MGAT4C: variants seen among roughly 807,000 people sequenced by gnomAD.
MGAT4C encodes the protein MGAT4 family member C.
Under a neutral mutation model 40.1 loss-of-function variants are expected in MGAT4C, and 19 were observed. The observed-to-expected ratio is 0.47, with a 90% CI of 0.33 to 0.70. The LOEUF (loss-of-function observed/expected upper bound fraction) is 0.70. Among genes scored for constraint, MGAT4C ranks in the 30% least tolerant of loss-of-function variants. The pLI is 0.02. For synonymous variants in MGAT4C, 181 were observed against 187.1 expected, an observed-to-expected ratio of 0.97 and a Z score of 0.27; for missense variants, 491 against 563.2, an observed-to-expected ratio of 0.87 and a Z score of 1.30.
chr12:86,764,147 G>T (rs571474270), intron 1 of MGAT4C, among the ~76,000 whole-genome samples: 73 of 152,252 alleles, frequency 4.8e-4, no homozygotes, highest in Non-Finnish European at 8.1e-4. Context: ...GGAAAATCAG[G>T]TCATTCCCAC....
At chr12:86,379,924 T>C (rs1018964849) in intron 3 of MGAT4C, among the ~76,000 whole-genome samples, 1 of 152,210 alleles carries the variant, frequency 6.6e-6, no homozygotes, top group African/African-American at 2.4e-5. Context: ...ATTCACAGCA[T>C]AGAAAAATTT....
intron 2 of MGAT4C, among the ~76,000 whole-genome samples, chr12:86,036,558 G>GT (rs1299927738): frequency 6.7e-6 from 1 of 150,014 alleles, no homozygotes; most frequent in Admixed American, 6.7e-5. Context: ...AGATAATCTT[G>GT]TGGTTTTTGT....
intron 2 of MGAT4C, among the ~76,000 whole-genome samples, chr12:86,539,426 A>T (rs1959134700): frequency 6.6e-6 from 1 of 152,158 alleles, no homozygotes; most frequent in African/African-American, 2.4e-5. Flanking sequence ...TCTATCATTG[A>T]TGGACATTTG....
At chr12:86,446,818 T>A (rs546761608) in intron 2 of MGAT4C, among the ~76,000 whole-genome samples, 2 of 150,482 alleles carry the variant, frequency 1.3e-5, no homozygotes, top group South Asian at 4.2e-4. Context: ...TGTGTAATCA[T>A]CTATGAGAGG....
intron 2 of MGAT4C, among the ~76,000 whole-genome samples, chr12:86,023,945 A>C (rs1387771171): frequency 6.6e-6 from 1 of 151,548 alleles, no homozygotes; most frequent in Non-Finnish European, 1.5e-5. Flanking sequence ...GTATCAAAAA[A>C]CCTCCACATA....
chr12:86,411,548 T>C (rs934790877), intron 3 of MGAT4C, among the ~76,000 whole-genome samples: 1 of 152,176 alleles, frequency 6.6e-6, no homozygotes, highest in Non-Finnish European at 1.5e-5. Context: ...ACATTCAAGA[T>C]ATATCCTGGC....
rs140274383 is a variant in MGAT4C, at chr12:86,241,034, A to G, written c.-57+15205T>C. Among the ~76,000 whole-genome samples the G allele has an allele frequency of 5.9e-3, 904 of 152,254 alleles. 5 individuals are homozygous for G. The highest frequency in any genetic ancestry group is 0.01 in the Middle Eastern group (3 of 294). Reference sequence around the variant, plus strand: ...ATATTCCTCACCTTCAGTTTGTCTGACGTTCATGATTAGTTTTAAATTATG... The same window carrying G: ...ATATTCCTCACCTTCAGTTTGTCTGGCGTTCATGATTAGTTTTAAATTATG... On this transcript the variant is annotated intron_variant, in intron 1 of 4. Coordinates refer to ENST00000611864, the MANE Select transcript of MGAT4C (RefSeq NM_001351288.2).
intron 2 of MGAT4C, among the ~76,000 whole-genome samples, chr12:86,529,048 C>A (rs532416056): frequency 6.6e-6 from 1 of 151,958 alleles, no homozygotes; most frequent in Non-Finnish European, 1.5e-5. Context: ...CACAGACAAC[C>A]AGATAGGTGT....
chr12:86,328,216 T>G (rs557680832), intron 4 of MGAT4C, among the ~76,000 whole-genome samples: 1 of 152,274 alleles, frequency 6.6e-6, no homozygotes, highest in African/African-American at 2.4e-5. Context: ...GTGAAAAACC[T>G]ACACTGACAT....
intron 1 of MGAT4C, among the ~76,000 whole-genome samples, chr12:86,095,341 A>T (rs1045503484): frequency 1.3e-5 from 2 of 151,914 alleles, no homozygotes; most frequent in African/African-American, 4.8e-5. Flanking sequence ...TAATTAAAAT[A>T]TTTTTGTCTG....
intron 1 of MGAT4C, among the ~76,000 whole-genome samples, chr12:86,105,500 A>G (rs1359623492): frequency 6.6e-6 from 1 of 152,158 alleles, no homozygotes; most frequent in Non-Finnish European, 1.5e-5. Context: ...AATAACCTAT[A>G]TTGATTGAGT....
intron 2 of MGAT4C, among the ~76,000 whole-genome samples, chr12:85,999,583 G>GTGTGTATATATA (rs1226916126): frequency 8.1e-6 from 1 of 122,982 alleles, no homozygotes; most frequent in African/African-American, 2.9e-5. Context: ...GTGTGTGTGT[G>GTGTGTATATATA]TATATATATA....
chr12:86,636,370 T>G (rs558912125), intron 2 of MGAT4C, among the ~76,000 whole-genome samples: 34 of 152,204 alleles, frequency 2.2e-4, no homozygotes, highest in African/African-American at 7.5e-4. Context: ...AATATCTTAC[T>G]ACTGTGTCAA....
chr12:86,249,232 C>T (rs1480052985), intron 1 of MGAT4C, among the ~76,000 whole-genome samples: 3 of 152,076 alleles, frequency 2.0e-5, no homozygotes, highest in Non-Finnish European at 4.4e-5. Context: ...TGAATAAATA[C>T]TGACTTCAGA....
chr12:86,354,702 T>C (rs1307545455), intron 3 of MGAT4C, among the ~76,000 whole-genome samples: 1 of 152,226 alleles, frequency 6.6e-6, no homozygotes, highest in Non-Finnish European at 1.5e-5. Flanking sequence ...TGAACTTGAA[T>C]GTAAGTTTGA....
intron 2 of MGAT4C, among the ~76,000 whole-genome samples, chr12:86,614,679 T>A (rs1962392866): frequency 6.6e-6 from 1 of 151,832 alleles, no homozygotes; most frequent in South Asian, 2.1e-4. Flanking sequence ...ATTATGAAGT[T>A]AATTAGGAAA....
chr12:86,616,910 C>T (rs747163136), intron 2 of MGAT4C, among the ~76,000 whole-genome samples: 4 of 151,972 alleles, frequency 2.6e-5, no homozygotes, highest in African/African-American at 4.8e-5. Flanking sequence ...CACTTTTAGT[C>T]CACCTACACA....
intron 2 of MGAT4C, among the ~76,000 whole-genome samples, chr12:86,438,983 C>G (rs1483995159): frequency 6.6e-6 from 1 of 151,706 alleles, no homozygotes; most frequent in Non-Finnish European, 1.5e-5. Flanking sequence ...CAAAATTATT[C>G]CTACTAAACC....
intron 2 of MGAT4C, among the ~76,000 whole-genome samples, chr12:86,658,043 G>C (rs1278166613): frequency 6.6e-6 from 1 of 151,836 alleles, no homozygotes; most frequent in East Asian, 1.9e-4. Flanking sequence ...ACATACTTAG[G>C]TGAATTAATG....
Sources: allele counts gnomAD v4.1 joint callset (sites outside exome capture counted in the v4.1 genomes callset), GRCh38; gene constraint gnomAD v4.1.1; transcripts MANE v1.5; gene names NCBI Gene and HGNC (gene_info 2026-07-23, HGNC 2026-07-21).